IGFL2: variants seen among roughly 807,000 people sequenced by gnomAD.
The protein encoded by IGFL2 is insulin growth factor-like family member 2.
In IGFL2, 7 loss-of-function variants were observed where a neutral mutation model predicts 13.9. The ratio of observed to expected loss-of-function variants is 0.51; its 90% confidence interval spans 0.29 to 0.95. The LOEUF (loss-of-function observed/expected upper bound fraction) is 0.95, where lower values mean the gene tolerates loss of function less well. Ranked by LOEUF, IGFL2 falls within the 40% of genes least tolerant of loss-of-function variation. IGFL2 has a pLI of 0.08. For synonymous variants in IGFL2, 55 were observed against 55.8 expected (o/e 0.99, Z 0.07); for missense variants, 138 against 147.8 (o/e 0.93, Z 0.34).
the IGFL2 span, among the ~76,000 whole-genome samples, chr19:46,182,841 T>A: frequency 5.8e-4 from 89 of 152,244 alleles, no homozygotes; most frequent in African/African-American, 2.1e-3. Flanking sequence ...CTCTGTCTTG[T>A]GGTTTCTCCC....
the IGFL2 span, among the ~76,000 whole-genome samples, chr19:46,127,635 G>GGGTAGATAGGTAGGTA: frequency 1.3e-5 from 2 of 152,112 alleles, no homozygotes; most frequent in Non-Finnish European, 2.9e-5. Flanking sequence ...GTAGGTAGGT[G>GGGTAGATAGGTAGGTA]GGTAGATAGG....
chr19:46,184,339 A>T, the IGFL2 span, among the ~76,000 whole-genome samples: 2 of 151,994 alleles, frequency 1.3e-5, no homozygotes, highest in African/African-American at 4.8e-5. Context: ...TTACATAAGT[A>T]TACATGTGCC....
chr19:46,207,861 T>C, the IGFL2 span: 2 of 152,358 alleles, frequency 1.3e-5, no homozygotes, highest in South Asian at 4.1e-4. Flanking sequence ...GTTCATCAGA[T>C]TGGACTCTCT....
the IGFL2 span, among the ~76,000 whole-genome samples, chr19:46,104,395 T>C: frequency 6.6e-6 from 1 of 152,178 alleles, no homozygotes; most frequent in Admixed American, 6.5e-5. Flanking sequence ...GTAAGGGGTA[T>C]GAAGCTTCCA....
At chr19:46,192,184 C>T in the IGFL2 span, among the ~76,000 whole-genome samples, 31 of 152,066 alleles carry the variant, frequency 2.0e-4, 1 homozygote, top group Non-Finnish European at 4.1e-4. Context: ...CTGTGGCTAG[C>T]GCTCCCAGGT....
At chr19:46,104,213 A>G in the IGFL2 span, among the ~76,000 whole-genome samples, 4 of 152,228 alleles carry the variant, frequency 2.6e-5, no homozygotes, top group Non-Finnish European at 5.9e-5. Context: ...GTGCATCCAT[A>G]TAAAAGTTCA....
At chr19:46,084,309 G>T in the IGFL2 span, among the ~76,000 whole-genome samples, 3 of 152,100 alleles carry the variant, frequency 2.0e-5, no homozygotes, top group East Asian at 5.8e-4. Context: ...AAGTTCATTT[G>T]GTCTAGAGTA....
the IGFL2 span, among the ~76,000 whole-genome samples, chr19:46,168,889 C>T: frequency 6.7e-6 from 1 of 149,824 alleles, no homozygotes; most frequent in Non-Finnish European, 1.5e-5. Context: ...CTGAATAGAT[C>T]AGTAGATTGA....
At chr19:46,143,382 T>G (rs1262658869), upstream of IGFL2, among the ~76,000 whole-genome samples, 1 of 151,898 alleles carries the variant, frequency 6.6e-6, no homozygotes, top group African/African-American at 2.4e-5. Context: ...TGTAGTTACG[T>G]TTTTTGTTTT....
the IGFL2 span, among the ~76,000 whole-genome samples, chr19:46,112,645 C>T: frequency 6.6e-6 from 1 of 152,314 alleles, no homozygotes; most frequent in South Asian, 2.1e-4. Context: ...CTTGTTTGAC[C>T]TTAGAACTTT....
chr19:46,119,831 C>T, the IGFL2 span, among the ~76,000 whole-genome samples: 1 of 150,666 alleles, frequency 6.6e-6, no homozygotes, highest in Non-Finnish European at 1.5e-5. Flanking sequence ...CAAGGGGATG[C>T]AGGAGCCCGG....
the IGFL2 span, among the ~76,000 whole-genome samples, chr19:46,205,631 TTCTC>T: frequency 2.0e-5 from 3 of 150,594 alleles, no homozygotes; most frequent in Non-Finnish European, 4.4e-5. Context: ...CTGTTCTTCT[TTCTC>T]TCTCTTTTGC....
chr19:46,171,234 C>G, the IGFL2 span, among the ~76,000 whole-genome samples: 1 of 152,110 alleles, frequency 6.6e-6, no homozygotes, highest in Non-Finnish European at 1.5e-5. Context: ...AGAAAAGAAC[C>G]TACGTTGAAT....
the IGFL2 span, among the ~76,000 whole-genome samples, chr19:46,109,462 C>T: frequency 6.6e-6 from 1 of 151,970 alleles, no homozygotes; most frequent in African/African-American, 2.4e-5. Context: ...CTACAGGTGC[C>T]CGCCACCACA....
the IGFL2 span, chr19:46,111,722 T>C: frequency 6.6e-6 from 1 of 152,242 alleles, no homozygotes; most frequent in African/African-American, 2.4e-5. Flanking sequence ...GGTATTGTTA[T>C]GGGCATAGAT....
the IGFL2 span, among the ~76,000 whole-genome samples, chr19:46,166,480 G>A: frequency 1.1e-4 from 17 of 152,270 alleles, no homozygotes; most frequent in Non-Finnish European, 1.5e-4. Flanking sequence ...GGACTGAGGC[G>A]AAATTAAAAT....
chr19:46,097,801 A>G, the IGFL2 span, among the ~76,000 whole-genome samples: 10 of 152,156 alleles, frequency 6.6e-5, no homozygotes, highest in Non-Finnish European at 1.3e-4. Flanking sequence ...TTGAATTTTC[A>G]TGTAGTTATG....
At chr19:46,097,040 A>G in the IGFL2 span, among the ~76,000 whole-genome samples, 1 of 152,242 alleles carries the variant, frequency 6.6e-6, no homozygotes, top group Non-Finnish European at 1.5e-5. Context: ...TAAATGAGTT[A>G]GAGAGAAGTC....
At chr19:46,100,978 T>C in the IGFL2 span, 1 of 152,486 alleles carries the variant, frequency 6.6e-6, no homozygotes, top group East Asian at 1.9e-4. Flanking sequence ...CCCTCTTCTG[T>C]AGGACTGCTG....
Sources: allele counts gnomAD v4.1 joint callset (sites outside exome capture counted in the v4.1 genomes callset), GRCh38; gene constraint gnomAD v4.1.1; transcripts MANE v1.5; gene names NCBI Gene and HGNC (gene_info 2026-07-23, HGNC 2026-07-21).